MPP7: variants seen among roughly 807,000 people sequenced by gnomAD.
MPP7 encodes the protein MAGUK p55 scaffold protein 7.
In MPP7, 60 loss-of-function variants were observed where a neutral mutation model predicts 76.5. The ratio of observed to expected loss-of-function variants is 0.78; its 90% confidence interval spans 0.64 to 0.97. The LOEUF (loss-of-function observed/expected upper bound fraction) is 0.97, where lower values mean the gene tolerates loss of function less well. Ranked by LOEUF, MPP7 falls within the 50% of genes least tolerant of loss-of-function variation. The pLI is 0.00. For missense variants in MPP7, 641 were observed against 694.0 expected (o/e 0.92, Z 0.86); for synonymous variants, 237 against 244.5 (o/e 0.97, Z 0.29).
intron 2 of MPP7, among the ~76,000 whole-genome samples, chr10:28,236,412 C>T (rs542955353): frequency 1.1e-4 from 17 of 151,924 alleles, no homozygotes; most frequent in Middle Eastern, 3.2e-3. Context: ...AAGAATATAG[C>T]TTGGTGTAGA....
At chr10:28,143,946 G>A (rs1471468263) in intron 5 of MPP7, among the ~76,000 whole-genome samples, 9 of 151,572 alleles carry the variant, frequency 5.9e-5, no homozygotes, top group East Asian at 3.9e-4. Context: ...GTGAAGCGGC[G>A]TGATCTTAGC....
At chr10:28,292,518 G>A (rs1323738463) in intron 1 of MPP7, among the ~76,000 whole-genome samples, 1 of 151,634 alleles carries the variant, frequency 6.6e-6, no homozygotes, top group Non-Finnish European at 1.5e-5. Flanking sequence ...GTTTCCACTC[G>A]GGATATAGAT....
intron 2 of MPP7, among the ~76,000 whole-genome samples, chr10:28,233,141 T>A (rs990761327): frequency 2.6e-5 from 4 of 152,156 alleles, no homozygotes; most frequent in African/African-American, 4.8e-5. Context: ...ATTCTGATAC[T>A]GCTATATTGG....
chr10:28,061,877 A>G (rs1024713415), intron 13 of MPP7, among the ~76,000 whole-genome samples: 4 of 152,152 alleles, frequency 2.6e-5, no homozygotes, highest in African/African-American at 9.6e-5. Flanking sequence ...AAATCAATGA[A>G]ATAATATCTT....
chr10:28,276,538 A>G (rs1001506923), intron 1 of MPP7, among the ~76,000 whole-genome samples: 6 of 152,086 alleles, frequency 3.9e-5, no homozygotes, highest in African/African-American at 9.7e-5. Context: ...ACAGAACACT[A>G]TATCACTGTA....
chr10:28,171,807 T>C (rs941685986), intron 3 of MPP7, among the ~76,000 whole-genome samples: 2 of 152,190 alleles, frequency 1.3e-5, no homozygotes, highest in Non-Finnish European at 2.9e-5. Context: ...GTATAGTCTT[T>C]CTACACAGCA....
chr10:28,167,562 T>G (rs1836525953), intron 3 of MPP7, among the ~76,000 whole-genome samples: 1 of 152,084 alleles, frequency 6.6e-6, no homozygotes, highest in Non-Finnish European at 1.5e-5. Context: ...AGTCCAAGCC[T>G]CAACATCACA....
intron 2 of MPP7, among the ~76,000 whole-genome samples, chr10:28,228,220 C>T (rs913690509): frequency 3.3e-5 from 5 of 151,700 alleles, no homozygotes; most frequent in African/African-American, 9.7e-5. Flanking sequence ...TTTTTTTATA[C>T]GAAAGATGAG....
At chr10:28,199,879 AACACACACAC>A (rs3064104) in intron 3 of MPP7, among the ~76,000 whole-genome samples, 13 of 148,952 alleles carry the variant, frequency 8.7e-5, no homozygotes, top group South Asian at 4.3e-4. Context: ...AGCCCATTTA[AACACACACAC>A]ACACACACAC....
At chr10:28,209,125 G>A (rs1838045375) in intron 2 of MPP7, among the ~76,000 whole-genome samples, 1 of 152,048 alleles carries the variant, frequency 6.6e-6, no homozygotes, top group South Asian at 2.1e-4. Context: ...CCATGCTCCT[G>A]TACAGCCTGC....
intron 1 of MPP7, among the ~76,000 whole-genome samples, chr10:28,294,342 T>G (rs970486505): frequency 6.6e-6 from 1 of 152,128 alleles, no homozygotes. Context: ...AAATACAAAG[T>G]TGTCATAGTA....
At chr10:28,321,949 G>A (rs575857504) in intron 2 of MPP7, among the ~76,000 whole-genome samples, 581 of 14,690 alleles carry the variant, frequency 0.04, 2 homozygotes, top group Admixed American at 0.059. Flanking sequence ...TTTTGTAGAC[G>A]TGTGTGTGTG....
intron 11 of MPP7, among the ~76,000 whole-genome samples, chr10:28,091,069 C>T (rs997905084): frequency 6.6e-6 from 1 of 152,050 alleles, no homozygotes; most frequent in African/African-American, 2.4e-5. Context: ...ATCGCTTGAA[C>T]TCAGGAGACA....
chr10:28,323,454 GAA>G lies in MPP7; in HGVS notation c.-132+6473_-132+6474del, dbSNP rs5784053. Among the ~76,000 whole-genome samples, 660 of 144,202 alleles carry G rather than the reference GAA, an allele frequency of 4.6e-3. 7 individuals carry two copies. Among genetic ancestry groups the G allele is most frequent in the African/African-American group, 0.016 (622 of 39,432 alleles). The allele number at this position is 144,202 out of a possible 152,430, so 94.6% of individuals were successfully genotyped here. On this transcript the variant is annotated intron_variant, in intron 2 of 11. Coordinates refer to the MPP7 transcript ENST00000441595. ...GGCAGCAGAGTGAGACTCTATCTAGGAAAAAAAAAAAAAGAAAGAAAGAAATC... is the reference window on the plus strand; with the variant it reads ...GGCAGCAGAGTGAGACTCTATCTAGGAAAAAAAAAAAGAAAGAAAGAAATC...
At chr10:28,304,234 A>G (rs1841230188), upstream of MPP7, among the ~76,000 whole-genome samples, 1 of 152,152 alleles carries the variant, frequency 6.6e-6, no homozygotes, top group South Asian at 2.1e-4. Context: ...GGCAAGAAGC[A>G]TTTCTCACCT....
intron 1 of MPP7, among the ~76,000 whole-genome samples, chr10:28,257,537 T>C (rs530482697): frequency 3.4e-4 from 47 of 136,854 alleles, no homozygotes; most frequent in African/African-American, 1.0e-3. Context: ...TAGGTGGGAA[T>C]TGAACAATGA....
chr10:28,062,893 C>T (rs1180469315), intron 13 of MPP7, among the ~76,000 whole-genome samples: 2 of 151,870 alleles, frequency 1.3e-5, no homozygotes, highest in African/African-American at 2.4e-5. Context: ...TGTAAAACTT[C>T]GAGAAGAAAA....
At chr10:28,294,223 C>T (rs1376901842) in intron 1 of MPP7, among the ~76,000 whole-genome samples, 1 of 152,144 alleles carries the variant, frequency 6.6e-6, no homozygotes, top group Non-Finnish European at 1.5e-5. Flanking sequence ...AGGAGAATGG[C>T]GTGAAGCCGG....
chr10:28,090,101 C>T (rs888623909), intron 11 of MPP7, among the ~76,000 whole-genome samples: 2 of 152,188 alleles, frequency 1.3e-5, no homozygotes, highest in South Asian at 2.1e-4. Flanking sequence ...GGTGGGATTA[C>T]AGGCACACAT....
Sources: allele counts gnomAD v4.1 joint callset (sites outside exome capture counted in the v4.1 genomes callset), GRCh38; gene constraint gnomAD v4.1.1; transcripts MANE v1.5; gene names NCBI Gene and HGNC (gene_info 2026-07-23, HGNC 2026-07-21).